The following ACOT12 variants were observed in gnomAD, a reference collection of about 807,000 sequenced individuals.
The protein encoded by ACOT12 is acyl-CoA thioesterase 12.
A neutral mutation model predicts 67.7 loss-of-function variants in ACOT12; 51 were observed. The ratio of observed to expected loss-of-function variants is 0.75; its 90% CI spans 0.60 to 0.95. ACOT12 has a LOEUF of 0.95. Ranked by LOEUF, ACOT12 falls within the 40% of genes least tolerant of loss-of-function variation. ACOT12 has a pLI of 0.00. For missense variants in ACOT12, 734 were observed against 708.1 expected (o/e 1.04, Z -0.41); for synonymous variants, 251 against 244.6 (o/e 1.03, Z -0.24).
chr5:81,347,734 C>T (rs749772941), intron 6 of ACOT12, 40 bp downstream of exon 6: 1 of 1,602,318 alleles, frequency 6.2e-7, no homozygotes, highest in Non-Finnish European at 8.5e-7. Context: ...TTTCTCCTCA[C>T]TGGTCCCAAA....
chr5:81,319,032 G>A, the ACOT12 span, among the ~76,000 whole-genome samples: 2 of 152,024 alleles, frequency 1.3e-5, no homozygotes, highest in African/African-American at 4.8e-5. Flanking sequence ...AACTACTTAG[G>A]ACCTGCTGGA....
intron 13 of ACOT12, among the ~76,000 whole-genome samples, chr5:81,331,263 T>G (rs560566632): frequency 6.6e-6 from 1 of 151,146 alleles, no homozygotes; most frequent in African/African-American, 2.5e-5. Context: ...ACAGGCCGGG[T>G]GCAGTGGCTC....
chr5:81,312,565 G>A, the ACOT12 span: 27 of 1,613,342 alleles, frequency 1.7e-5, no homozygotes, highest in Non-Finnish European at 1.8e-5. Context: ...ACAGTTGGTC[G>A]CTGGGCAAAG....
intron 2 of ACOT12, among the ~76,000 whole-genome samples, chr5:81,384,108 A>C (rs1357703356): frequency 2.0e-5 from 3 of 146,844 alleles, no homozygotes; most frequent in Non-Finnish European, 3.0e-5. Flanking sequence ...AGTGCCCTAC[A>C]TAGGTGTACT....
At chr5:81,365,705 A>G (rs573346816) in intron 3 of ACOT12, among the ~76,000 whole-genome samples, 8 of 152,320 alleles carry the variant, frequency 5.3e-5, no homozygotes, top group Non-Finnish European at 1.0e-4. Flanking sequence ...TTTCACACCT[A>G]CGAAAATAGG....
In ACOT12 at chr5:81,371,711, G is replaced by T. The variant is rs551312032; in HGVS notation, c.258+39C>A. 6.4e-5 allele frequency: 102 copies of T among 1,587,010 alleles called. No homozygotes were observed. In the South Asian group the frequency reaches 1.1e-3, roughly 17 times the overall value. On this transcript the variant is annotated intron_variant, in intron 3 of 14. Coordinates refer to ENST00000307624, the MANE Select transcript of ACOT12 (RefSeq NM_130767.3). ...TACCCTTTGTAAACAATGAAGAAGT[G>T]AGCACCAACAGGCAGATGTTTGAAA...
chr5:81,374,558 T>C (rs576361814), intron 2 of ACOT12, among the ~76,000 whole-genome samples: 1 of 152,212 alleles, frequency 6.6e-6, no homozygotes, highest in South Asian at 2.1e-4. Flanking sequence ...TAAAGGAGCA[T>C]GTTCTAACCC....
chr5:81,328,591 C>A (rs1009511177), downstream of ACOT12, among the ~76,000 whole-genome samples: 3 of 152,170 alleles, frequency 2.0e-5, no homozygotes, highest in African/African-American at 7.2e-5. Flanking sequence ...ATCTTATCTT[C>A]TTGCCATGCT....
chr5:81,333,352 C>T (rs1181678193), intron 12 of ACOT12, among the ~76,000 whole-genome samples: 1 of 152,156 alleles, frequency 6.6e-6, no homozygotes, highest in Admixed American at 6.5e-5. Flanking sequence ...AGTCACACAA[C>T]TTTCTTTTGA....
the ACOT12 span, among the ~76,000 whole-genome samples, chr5:81,316,052 G>A: frequency 6.6e-6 from 1 of 152,158 alleles, no homozygotes; most frequent in African/African-American, 2.4e-5. Context: ...CCCATAATAT[G>A]TATTTATCAT....
chr5:81,365,077 T>A (rs989611216), intron 3 of ACOT12, among the ~76,000 whole-genome samples: 43 of 152,180 alleles, frequency 2.8e-4, no homozygotes, highest in Non-Finnish European at 5.7e-4. Flanking sequence ...GCGCTGAAGC[T>A]TGGTCCTCAG....
At chr5:81,309,198 T>C in the ACOT12 span, 3 of 500,338 alleles carry the variant, frequency 6.0e-6, no homozygotes, top group East Asian at 9.7e-5. Flanking sequence ...ACTAGGCTTT[T>C]TGTGCAATTT....
intron 11 of ACOT12, 24 bp downstream of exon 11, chr5:81,342,648 T>C (rs1364777336): frequency 1.2e-5 from 19 of 1,612,712 alleles, no homozygotes; most frequent in Admixed American, 1.7e-5. Flanking sequence ...CGATGGATTA[T>C]GCAAATACCT....
intron 5 of ACOT12, among the ~76,000 whole-genome samples, chr5:81,357,500 A>T (rs1194818990): frequency 6.6e-6 from 1 of 150,948 alleles, no homozygotes; most frequent in Non-Finnish European, 1.5e-5. Flanking sequence ...AATCACACAC[A>T]CACACTCCAT....
In ACOT12 at chr5:81,349,541, C is replaced by A. The variant is rs112554434; in HGVS notation, c.497-1611G>T. 4.3e-3 allele frequency among the ~76,000 whole-genome samples: 648 copies of A among 152,236 alleles called. 4 individuals are homozygous for A. The highest frequency in any genetic ancestry group is 0.015 in the African/African-American group (616 of 41,544). ...ATTTCACTCATACTCTGTGGCCCCC[C>A]CTTGGTCATTACTTCCTCAGTGGAG... On this transcript the variant is annotated intron_variant, in intron 5 of 14. Coordinates refer to ENST00000307624, the MANE Select transcript of ACOT12 (RefSeq NM_130767.3).
At chr5:81,359,279 AG>A (rs1275880980) in intron 5 of ACOT12, among the ~76,000 whole-genome samples, 1 of 152,134 alleles carries the variant, frequency 6.6e-6, no homozygotes, top group Non-Finnish European at 1.5e-5. Context: ...TCAGACAAAA[AG>A]AAAGGGCAGA....
At chr5:81,361,218 C>CCT (rs1554055103) in intron 4 of ACOT12, among the ~76,000 whole-genome samples, 3 of 142,248 alleles carry the variant, frequency 2.1e-5, no homozygotes, top group Non-Finnish European at 3.1e-5. Flanking sequence ...GGTTTAACTC[C>CCT]TTTTTTTTTT....
intron 1 of ACOT12, among the ~76,000 whole-genome samples, chr5:81,389,648 T>C (rs993019684): frequency 6.6e-6 from 1 of 152,122 alleles, no homozygotes; most frequent in African/African-American, 2.4e-5. Flanking sequence ...CTGCTCAGCC[T>C]CCTGAGTAGC....
intron 2 of ACOT12, among the ~76,000 whole-genome samples, chr5:81,379,142 A>C (rs1454112034): frequency 1.3e-5 from 2 of 152,182 alleles, no homozygotes; most frequent in African/African-American, 4.8e-5. Context: ...ATGTAATACT[A>C]TGCAGCCATA....
Sources: gnomAD v4.1 joint callset for allele counts (sites outside exome capture counted in the v4.1 genomes callset) on GRCh38, gnomAD v4.1.1 for gene constraint, MANE v1.5 for transcripts, NCBI Gene and HGNC (gene_info 2026-07-23, HGNC 2026-07-21) for gene names.